Variants in ZNF385D observed in about 807,000 individuals in gnomAD.
ZNF385D encodes the protein zinc finger protein 385D, also known as zinc finger protein 659.
A neutral mutation model predicts 35.8 loss-of-function variants in ZNF385D; 15 were observed. The ratio of observed to expected loss-of-function variants is 0.42; its 90% confidence interval spans 0.28 to 0.64. The LOEUF (loss-of-function observed/expected upper bound fraction) is 0.64. Among genes scored for constraint, ZNF385D ranks in the 30% least tolerant of loss-of-function variants. The pLI is 0.23. For missense variants in ZNF385D, 474 were observed against 494.6 expected (o/e 0.96, Z 0.39); for synonymous variants, 212 against 186.8 (o/e 1.13, Z -1.10).
intron 2 of ZNF385D, among the ~76,000 whole-genome samples, chr3:22,173,599 C>CT (rs1362999234): frequency 1.3e-5 from 2 of 152,168 alleles, no homozygotes; most frequent in African/African-American, 4.8e-5. Flanking sequence ...CTTCTGTTCT[C>CT]TTTATCCCTT....
chr3:21,435,427 T>C (rs544055846), intron 5 of ZNF385D, among the ~76,000 whole-genome samples: 2 of 151,794 alleles, frequency 1.3e-5, no homozygotes, highest in African/African-American at 4.8e-5. Flanking sequence ...CCAGCTAACA[T>C]TTTTTTTCAT....
At chr3:21,912,348 G>T (rs1700002236) in intron 3 of ZNF385D, among the ~76,000 whole-genome samples, 5 of 149,020 alleles carry the variant, frequency 3.4e-5, no homozygotes. Context: ...TTTTCTAGTG[G>T]ACTTCTGGGG....
chr3:21,980,665 G>A (rs1177189216), intron 3 of ZNF385D, among the ~76,000 whole-genome samples: 1 of 152,050 alleles, frequency 6.6e-6, no homozygotes, highest in Non-Finnish European at 1.5e-5. Flanking sequence ...TCGTCATCCA[G>A]CTATTAAGCC....
At chr3:21,891,277 T>C (rs1039547592) in intron 3 of ZNF385D, among the ~76,000 whole-genome samples, 13 of 152,198 alleles carry the variant, frequency 8.5e-5, no homozygotes, top group Non-Finnish European at 1.6e-4. Context: ...ATCTAATGGA[T>C]AGAATGAACA....
chr3:21,736,778 T>C (rs1373764876), intron 1 of ZNF385D, among the ~76,000 whole-genome samples: 2 of 152,168 alleles, frequency 1.3e-5, no homozygotes, highest in East Asian at 1.9e-4. Flanking sequence ...ATCCTACAAA[T>C]CCATGCTCTA....
intron 3 of ZNF385D, among the ~76,000 whole-genome samples, chr3:21,808,868 G>C (rs558049132): frequency 6.6e-6 from 1 of 152,098 alleles, no homozygotes; most frequent in Non-Finnish European, 1.5e-5. Flanking sequence ...TTGACCTCTG[G>C]GTAGCACCAA....
At chr3:22,231,349 C>T (rs1394259046) in intron 2 of ZNF385D, among the ~76,000 whole-genome samples, 1 of 152,032 alleles carries the variant, frequency 6.6e-6, no homozygotes, top group Non-Finnish European at 1.5e-5. Context: ...TCCTTACTGT[C>T]CCCAGTGAGA....
At chr3:21,976,788 C>CGAGAACA (rs935836879) in intron 3 of ZNF385D, among the ~76,000 whole-genome samples, 8 of 152,064 alleles carry the variant, frequency 5.3e-5, no homozygotes, top group African/African-American at 1.9e-4. Context: ...GTCAGGAGTT[C>CGAGAACA]GAGAACATCC....
intron 3 of ZNF385D, among the ~76,000 whole-genome samples, chr3:21,874,563 G>A (rs1188631664): frequency 1.3e-5 from 2 of 151,932 alleles, no homozygotes; most frequent in South Asian, 2.1e-4. Flanking sequence ...ACTGATCCAT[G>A]TGTCTGTCTT....
intron 2 of ZNF385D, among the ~76,000 whole-genome samples, chr3:22,353,808 A>C (rs1358345090): frequency 1.3e-5 from 2 of 152,156 alleles, no homozygotes; most frequent in African/African-American, 2.4e-5. Context: ...TTAACTGAGC[A>C]AATGAGTGTA....
intron 3 of ZNF385D, among the ~76,000 whole-genome samples, chr3:21,997,089 G>A (rs1330800249): frequency 1.3e-5 from 2 of 151,742 alleles, no homozygotes; most frequent in Non-Finnish European, 2.9e-5. Flanking sequence ...CAAAGACTTG[G>A]AACCAACCCA....
chr3:22,368,098 T>C (rs1351133252), intron 2 of ZNF385D, among the ~76,000 whole-genome samples: 2 of 152,204 alleles, frequency 1.3e-5, no homozygotes, highest in Non-Finnish European at 2.9e-5. Flanking sequence ...TTGGTAGATA[T>C]ATTTCCATAA....
intron 3 of ZNF385D, among the ~76,000 whole-genome samples, chr3:21,782,762 T>C (rs2071543424): frequency 6.6e-6 from 1 of 152,112 alleles, no homozygotes; most frequent in Non-Finnish European, 1.5e-5. Flanking sequence ...CTGATATGTG[T>C]TAGTTCTCTA....
chr3:21,904,302 CAAAA>C (rs548922115), intron 3 of ZNF385D, among the ~76,000 whole-genome samples: 10 of 79,248 alleles, frequency 1.3e-4, no homozygotes, highest in East Asian at 7.8e-4. Flanking sequence ...GACTCCATCT[CAAAA>C]AAAAAAAAAA....
At chr3:22,313,631 A>C (rs1575099750) in intron 2 of ZNF385D, among the ~76,000 whole-genome samples, 1 of 152,304 alleles carries the variant, frequency 6.6e-6, no homozygotes, top group East Asian at 1.9e-4. Context: ...AAGTGATACA[A>C]GTGTATAATT....
intron 2 of ZNF385D, among the ~76,000 whole-genome samples, chr3:22,304,335 C>T (rs1443567233): frequency 6.6e-6 from 1 of 152,080 alleles, no homozygotes; most frequent in Non-Finnish European, 1.5e-5. Context: ...GATTTATATT[C>T]TATTGAATTC....
chr3:22,363,570 T>C (rs11719178), intron 2 of ZNF385D, among the ~76,000 whole-genome samples: 5,916 of 152,204 alleles, frequency 0.039, 166 homozygotes, highest in Non-Finnish European at 0.06. Flanking sequence ...ATGAGAAACA[T>C]TTTTTTCAGA....
intron 2 of ZNF385D, among the ~76,000 whole-genome samples, chr3:22,285,478 T>C (rs1210539758): frequency 6.6e-6 from 1 of 152,124 alleles, no homozygotes; most frequent in African/African-American, 2.4e-5. Context: ...AAATGTAAAA[T>C]GAAGTAGGAA....
At chr3:22,282,709 T>C (rs1701827404) in intron 2 of ZNF385D, among the ~76,000 whole-genome samples, 1 of 151,732 alleles carries the variant, frequency 6.6e-6, no homozygotes, top group Admixed American at 6.6e-5. Context: ...AAACAAATCC[T>C]CAAAATATAC....
Sources: gnomAD v4.1 joint callset for allele counts (sites outside exome capture counted in the v4.1 genomes callset) on GRCh38, gnomAD v4.1.1 for gene constraint, MANE v1.5 for transcripts, NCBI Gene and HGNC (gene_info 2026-07-23, HGNC 2026-07-21) for gene names.